IQSEC3: variants seen among roughly 807,000 people sequenced by gnomAD.
The protein encoded by IQSEC3 is IQ motif and Sec7 domain ArfGEF 3.
A neutral mutation model predicts 105.4 loss-of-function variants in IQSEC3; 50 were observed. That is an observed-to-expected ratio of 0.47 (90% confidence interval 0.38 to 0.60). The LOEUF is 0.60. IQSEC3 is among the 20% of genes least tolerant of loss of function. The pLI is 0.00. For missense variants in IQSEC3, 1,415 were observed against 1,630.0 expected (o/e 0.87, Z 2.27); for synonymous variants, 708 against 746.0 (o/e 0.95, Z 0.83).
chr12:139,440 G>A, intron 4 of IQSEC3, 86 bp downstream of exon 4: 1 of 1,192,858 alleles, frequency 8.4e-7, no homozygotes, highest in Non-Finnish European at 1.2e-6. Flanking sequence ...CACCAAGCAG[G>A]GCGCCAGGTA....
At chr12:168,927 C>T (rs1205339107) in intron 11 of IQSEC3, 86 bp from the exon 12 acceptor site, 2 of 1,150,204 alleles carry the variant, frequency 1.7e-6, no homozygotes, top group South Asian at 1.3e-5. Context: ...TCTTCCTCCC[C>T]TTTCTGCTGG....
chr12:150,281 G>A (rs1407796275), intron 5 of IQSEC3, among the ~76,000 whole-genome samples: 3 of 152,162 alleles, frequency 2.0e-5, no homozygotes, highest in Non-Finnish European at 4.4e-5. Flanking sequence ...AAATAAACAC[G>A]TACAGATTTT....
chr12:92,682 G>A (rs933325168), intron 1 of IQSEC3, among the ~76,000 whole-genome samples: 19 of 152,196 alleles, frequency 1.2e-4, no homozygotes, highest in Admixed American at 9.8e-4. Flanking sequence ...CGACCTGCTG[G>A]GACCCTGTCT....
Position 139,075 on chromosome 12 carries a change from C to CAGAGGAGGA in IQSEC3, c.1722_1730dup (p.Glu577_Glu579dup). On this transcript the variant is annotated inframe_insertion, in exon 4 of 14. Coordinates refer to ENST00000538872, the MANE Select transcript of IQSEC3 (RefSeq NM_001170738.2). ...GCGGATGGGGCCACAGCCCCCAAAACAGAGGAGGAAGAGGAGGAGGAGGAG... is the reference window on the plus strand; with the variant it reads ...GCGGATGGGGCCACAGCCCCCAAAACAGAGGAGGAAGAGGAGGAAGAGGAGGAGGAGGAG... 1.3e-6 allele frequency: 2 copies of CAGAGGAGGA among 1,495,190 alleles called. No individual in the cohort carries two copies. The highest frequency in any genetic ancestry group is 2.4e-5 in the East Asian group (1 of 40,840). The allele number at this position is 1,495,190 out of a possible 1,614,324, so 92.6% of individuals were successfully genotyped here. A position where few individuals can be genotyped will look rare whatever the true frequency, so the allele number is the denominator to read the frequency against.
chr12:81,671 G>GGA (rs1284830286), intron 1 of IQSEC3, among the ~76,000 whole-genome samples: 1 of 152,170 alleles, frequency 6.6e-6, no homozygotes, highest in African/African-American at 2.4e-5. Context: ...ATGTTTGAGA[G>GGA]GAGATGTGCA....
rs199656788 is a variant in IQSEC3 at position 85,317 on chromosome 12, G to C, written c.555-13829G>C. On this transcript the variant is annotated intron_variant, in intron 1 of 13. Transcript: ENST00000538872. ...CAATGGCTTTGATCCGTCCTTTCAA[G>C]CTGGCTTTGCCTAGCTGCCAGGCAC... is the stretch of plus-strand genomic sequence containing the variant. Among the ~76,000 whole-genome samples the C allele has an allele frequency of 1.1e-4, 17 of 152,328 alleles. No individual in the cohort carries two copies. The East Asian group carries it at 1.9e-3, about 17-fold the overall frequency.
chr12:169,593 A>G (rs1938862053), intron 12 of IQSEC3, among the ~76,000 whole-genome samples: 1 of 152,188 alleles, frequency 6.6e-6, no homozygotes, highest in Non-Finnish European at 1.5e-5. Context: ...GGCTCAGGTC[A>G]GCCCACCCCA....
chr12:157,333 C>T (rs566844289), intron 6 of IQSEC3, among the ~76,000 whole-genome samples, 186 bp downstream of exon 6: 1 of 152,224 alleles, frequency 6.6e-6, no homozygotes, highest in African/African-American at 2.4e-5. Context: ...ACCGACCCCT[C>T]GAGCTCCCCA....
Position 138,722 on chromosome 12 carries a change from G to T in IQSEC3, c.1359G>T (p.Gly453=), listed in dbSNP as rs782598863. ...AAGPPGLEAE[G]RAPESAGPGP... ...GGCCCCCAGGCCTGGAGGCCGAGGG[G>T]CGGGCGCCGGAGAGCGCGGGCCCCG... The change falls in exon 4 of 14, where the codon GGG becomes GGT. Residue 453 remains glycine (G), a synonymous_variant. Transcript: ENST00000538872. This position sits in a 1 kb window ranked among gnomAD's most constrained non-coding sequence, Gnocchi z 7.1. 1 of 1,500,762 alleles carries T rather than the reference G, an allele frequency of 6.7e-7. No individual in the cohort carries two copies. The highest frequency in any genetic ancestry group is 8.8e-7 in the Non-Finnish European group (1 of 1,130,800). The allele number at this position is 1,500,762 out of a possible 1,614,324, so 93.0% of individuals were successfully genotyped here.
intron 5 of IQSEC3, among the ~76,000 whole-genome samples, chr12:144,896 A>G (rs1307026127): frequency 6.6e-6 from 1 of 152,356 alleles, no homozygotes; most frequent in East Asian, 1.9e-4. Context: ...CAGTGGTGCA[A>G]CCATGGCTCA....
intron 3 of IQSEC3, 121 bp downstream of exon 3, chr12:126,033 A>G (rs1865393423): frequency 9.5e-7 from 1 of 1,057,322 alleles, no homozygotes; most frequent in Non-Finnish European, 1.3e-6. Context: ...CTCTTTTGCC[A>G]CAGTTCTCCT....
rs1226570259 is a variant in IQSEC3, at chr12:152,224, T to C, written c.2154-4801T>C. Among the ~76,000 whole-genome samples, 4 of 152,208 alleles carry C rather than the reference T, an allele frequency of 2.6e-5. No homozygotes were observed. Among genetic ancestry groups the C allele is most frequent in the African/African-American group, 7.2e-5 (3 of 41,444 alleles). On this transcript the variant is annotated intron_variant, in intron 5 of 13. Transcript: ENST00000538872. The surrounding 1 kb of genome is among the most constrained non-coding windows in gnomAD (Gnocchi z 4.8). ...CAGCGATATGGACCCTGCTGTGGGC[T>C]CCAGGTGCCCAGGCCAGCTCTGAAC... is the stretch of plus-strand genomic sequence containing the variant.
chr12:104,574 T>C (rs1864576150), intron 2 of IQSEC3, among the ~76,000 whole-genome samples: 1 of 152,190 alleles, frequency 6.6e-6, no homozygotes, highest in Non-Finnish European at 1.5e-5. Flanking sequence ...AAAAAAGATT[T>C]TGTAGTCTGC....
intron 1 of IQSEC3, among the ~76,000 whole-genome samples, chr12:81,341 C>A (rs183412455): frequency 1.3e-5 from 2 of 152,074 alleles, no homozygotes; most frequent in Non-Finnish European, 2.9e-5. Flanking sequence ...GCAGAGGGTG[C>A]TTAAAAGGAA....
chr12:171,425 G>A (rs1365069892), intron 13 of IQSEC3: 3 of 1,122,880 alleles, frequency 2.7e-6, no homozygotes, highest in African/African-American at 1.5e-5. Context: ...CTAACACAGT[G>A]GAGACGGAGC....
At chr12:160,622 G>A (rs1555095903) in intron 7 of IQSEC3, among the ~76,000 whole-genome samples, 1 of 152,112 alleles carries the variant, frequency 6.6e-6, no homozygotes, top group African/African-American at 2.4e-5. Flanking sequence ...TCTTCTGCTG[G>A]AGTGAGGAGG....
intron 11 of IQSEC3, chr12:167,682 A>G (rs1938741392): frequency 6.6e-6 from 1 of 152,198 alleles, no homozygotes; most frequent in African/African-American, 2.4e-5. Context: ...AAGCTCAAGA[A>G]CAGCCAACAC....
intron 1 of IQSEC3, among the ~76,000 whole-genome samples, chr12:87,316 C>A (rs186872129): frequency 6.6e-6 from 1 of 152,242 alleles, no homozygotes; most frequent in East Asian, 1.9e-4. Context: ...GGCTGATTTC[C>A]TCTCATCACC....
chr12:92,587 C>T (rs1178794830), intron 1 of IQSEC3, among the ~76,000 whole-genome samples: 1 of 152,232 alleles, frequency 6.6e-6, no homozygotes, highest in Non-Finnish European at 1.5e-5. Context: ...TCTCTCCTTT[C>T]TTTACTTCTC....
Sources: allele counts gnomAD v4.1 joint callset (sites outside exome capture counted in the v4.1 genomes callset), GRCh38; gene constraint gnomAD v4.1.1; non-coding constraint Gnocchi (gnomAD v3.1); transcripts MANE v1.5; gene names NCBI Gene and HGNC (gene_info 2026-07-23, HGNC 2026-07-21).